PTPN14: variants seen among roughly 807,000 people sequenced by gnomAD.
PTPN14 encodes the protein tyrosine-protein phosphatase non-receptor type 14.
PTPN14 carries 53 observed loss-of-function variants against 126.8 expected under a neutral mutation model. The observed-to-expected ratio is 0.42, with a 90% CI of 0.34 to 0.53. PTPN14 has a LOEUF of 0.53. Among genes scored for constraint, PTPN14 ranks in the 20% least tolerant of loss-of-function variants. The probability of loss-of-function intolerance (pLI) is 0.08; values close to 1 mark genes in which losing one functional copy is unlikely to be tolerated. For missense variants in PTPN14, 1,257 were observed against 1,552.9 expected, an observed-to-expected ratio of 0.81 and a Z score of 3.20; for synonymous variants, 630 against 599.3, an observed-to-expected ratio of 1.05 and a Z score of -0.75.
intron 1 of PTPN14, among the ~76,000 whole-genome samples, chr1:214,469,262 T>A (rs541970376): frequency 6.6e-6 from 1 of 152,236 alleles, no homozygotes; most frequent in African/African-American, 2.4e-5. Flanking sequence ...AAAAAAGCCA[T>A]TGCACATATG....
Position 214,402,437 on chromosome 1 carries a change from C to CAAAAAAAAAAAAAAAAAAAAAAAAA in PTPN14, c.581+445_581+446insTTTTTTTTTTTTTTTTTTTTTTTTT, listed in dbSNP as rs1165595746. Among the ~76,000 whole-genome samples, 12 of 48,142 alleles carry CAAAAAAAAAAAAAAAAAAAAAAAAA rather than the reference C, an allele frequency of 2.5e-4. 2 individuals are homozygous for CAAAAAAAAAAAAAAAAAAAAAAAAA. The highest frequency in any genetic ancestry group is 2.9e-4 in the African/African-American group (3 of 10,392). The allele number at this position is 48,142 out of a possible 152,430, so 31.6% of individuals were successfully genotyped here. On this transcript the variant is annotated intron_variant, in intron 6 of 18. Coordinates refer to ENST00000366956, the MANE Select transcript of PTPN14 (RefSeq NM_005401.5). ...CCTGGGTGACAGAGCGAGACTCTGT[C>CAAAAAAAAAAAAAAAAAAAAAAAAA]AAAAAAAAAAAAAAAAAAAAAAGCC...
chr1:214,477,373 AC>A (rs1425065701), intron 1 of PTPN14, among the ~76,000 whole-genome samples: 1 of 152,194 alleles, frequency 6.6e-6, no homozygotes, highest in Non-Finnish European at 1.5e-5. Context: ...ACGTACATGC[AC>A]CACAAACCCA....
chr1:214,384,804 C>G lies in PTPN14; in HGVS notation c.1067-16G>C. On this transcript the variant is annotated splice_polypyrimidine_tract_variant and intron_variant, in intron 12 of 18. Coordinates refer to ENST00000366956, the MANE Select transcript of PTPN14 (RefSeq NM_005401.5). The surrounding 1 kb of genome is among the most constrained non-coding windows in gnomAD (Gnocchi z 5.3). ...AAAATGCTGTCTACAAGAAGTCAAACAAAGGCACGTGAACCTCCAAGCCAT... is the reference window on the plus strand; with the variant it reads ...AAAATGCTGTCTACAAGAAGTCAAAGAAAGGCACGTGAACCTCCAAGCCAT... 1 of 1,596,710 alleles carries G rather than the reference C, an allele frequency of 6.3e-7. No homozygotes were observed. Among genetic ancestry groups the G allele is most frequent in the Non-Finnish European group, 8.5e-7 (1 of 1,170,622 alleles).
At chr1:214,405,413 C>T (rs764408865) in intron 5 of PTPN14, among the ~76,000 whole-genome samples, 2 of 152,074 alleles carry the variant, frequency 1.3e-5, no homozygotes, top group Non-Finnish European at 2.9e-5. Flanking sequence ...ACTTAAGGGG[C>T]CTATCATAGG....
At chr1:214,458,841 C>T (rs1365699671) in intron 2 of PTPN14, among the ~76,000 whole-genome samples, 1 of 152,152 alleles carries the variant, frequency 6.6e-6, no homozygotes, top group African/African-American at 2.4e-5. Flanking sequence ...CCTATCTCCT[C>T]TGTAAAAGGC....
At chr1:214,478,272 T>G (rs931094400) in intron 1 of PTPN14, among the ~76,000 whole-genome samples, 1 of 152,240 alleles carries the variant, frequency 6.6e-6, no homozygotes, top group Non-Finnish European at 1.5e-5. Context: ...ATATCTACAT[T>G]ATTTAGGCTA....
At position 214,357,218 on chromosome 1, in the gene PTPN14, C is replaced by T. The variant is rs1297459709; in HGVS notation, c.*704G>A. ...AAAGCACAACACAGAGCTTGTCTTT[C>T]GGCCCCAAAGATGGCAATTACTGCA... On this transcript the variant is annotated 3_prime_UTR_variant, in exon 19 of 19. Coordinates refer to ENST00000366956, the MANE Select transcript of PTPN14 (RefSeq NM_005401.5). The T allele has an allele frequency of 1.3e-5, 2 of 151,466 alleles. No individual in the cohort carries two copies. The highest frequency in any genetic ancestry group is 2.0e-4 in the East Asian group (1 of 5,116). 9.4% of individuals were successfully genotyped at this position (151,466 alleles called of 1,614,324 possible).
chr1:214,423,464 T>A lies in PTPN14; in HGVS notation c.345-8738A>T, dbSNP rs74926711. Among the ~76,000 whole-genome samples the A allele has an allele frequency of 6.6e-3, 1,001 of 152,310 alleles. 10 individuals carry two copies. Among genetic ancestry groups the A allele is most frequent in the African/African-American group, 0.023 (961 of 41,560 alleles). Reference sequence around the variant, plus strand: ...TCTACATTCCTTACTCCAGCATCTCTGTCACTGTAACCATGAGCCCACTTT... The same window carrying A: ...TCTACATTCCTTACTCCAGCATCTCAGTCACTGTAACCATGAGCCCACTTT... On this transcript the variant is annotated intron_variant, in intron 3 of 18. Coordinates refer to ENST00000366956, the MANE Select transcript of PTPN14 (RefSeq NM_005401.5).
intron 1 of PTPN14, among the ~76,000 whole-genome samples, chr1:214,478,744 C>T (rs1302173234): frequency 6.6e-6 from 1 of 152,050 alleles, no homozygotes; most frequent in Non-Finnish European, 1.5e-5. Flanking sequence ...CATTTATCTT[C>T]ACACGTCCAA....
At chr1:214,460,469 C>T (rs1002446373) in intron 2 of PTPN14, among the ~76,000 whole-genome samples, 6 of 146,644 alleles carry the variant, frequency 4.1e-5, no homozygotes, top group African/African-American at 1.3e-4. Flanking sequence ...GAAAATTCCC[C>T]TCCACACACA....
At chr1:214,496,605 AC>A (rs1236175288) in intron 1 of PTPN14, among the ~76,000 whole-genome samples, 3 of 152,184 alleles carry the variant, frequency 2.0e-5, no homozygotes, top group Admixed American at 6.5e-5. Context: ...ATTTGATGAT[AC>A]CTGTATATTC....
Position 214,349,999 on chromosome 1 carries a change from G to C in PTPN14, c.*7923C>G, listed in dbSNP as rs1452652829. ...AGCATTCTTGAGATTTTAGCAAAAG[G>C]CTCCGCCCCAAGCCACAAAAAGATC... On this transcript the variant is annotated 3_prime_UTR_variant, in exon 19 of 19. Coordinates refer to ENST00000366956, the MANE Select transcript of PTPN14 (RefSeq NM_005401.5). The C allele has an allele frequency of 6.6e-6, 1 of 152,098 alleles. No individual in the cohort carries two copies. The highest frequency in any genetic ancestry group is 1.5e-5 in the Non-Finnish European group (1 of 68,020). The allele number at this position is 152,098 out of a possible 1,614,324, so 9.4% of individuals were successfully genotyped here. A position where few individuals can be genotyped will look rare whatever the true frequency, so the allele number is the denominator to read the frequency against.
intron 5 of PTPN14, among the ~76,000 whole-genome samples, chr1:214,410,297 T>TA (rs200849346): frequency 0.017 from 2,533 of 148,520 alleles, 72 homozygotes; most frequent in African/African-American, 0.06. Flanking sequence ...GTCTTTTTTT[T>TA]TTCTTTTTTT....
chr1:214,444,927 A>G (rs1405494681), intron 3 of PTPN14, among the ~76,000 whole-genome samples: 2 of 152,204 alleles, frequency 1.3e-5, no homozygotes, highest in African/African-American at 4.8e-5. Context: ...GCTGAAATGC[A>G]CTTACCCTCT....
At position 214,384,235 on chromosome 1, in the gene PTPN14, T is replaced by C. The variant is rs1402118698; in HGVS notation, c.1620A>G (p.Pro540=). The change falls in exon 13 of 19, where the codon CCA becomes CCG. Residue 540 remains proline, a synonymous_variant. Coordinates refer to ENST00000366956, the MANE Select transcript of PTPN14 (RefSeq NM_005401.5). The surrounding 1 kb of genome is among the most constrained non-coding windows in gnomAD (Gnocchi z 5.3). The part of the protein sequence containing the change: ...ASAISHTVST[P]ELANMQLQGS... ...CCTGCAGCTGCATGTTGGCCAGCTC[T>C]GGGGTGCTCACCGTGTGCGAGATGG... 3 of 1,613,854 alleles carry C rather than the reference T, an allele frequency of 1.9e-6. No individual in the cohort carries two copies. Among genetic ancestry groups the C allele is most frequent in the South Asian group, 1.1e-5 (1 of 91,078 alleles).
At chr1:214,433,877 C>G (rs1262772471) in intron 3 of PTPN14, among the ~76,000 whole-genome samples, 2 of 148,732 alleles carry the variant, frequency 1.3e-5, no homozygotes, top group African/African-American at 5.0e-5. Context: ...CTGCTTGAGC[C>G]GAGGGGTTCT....
At chr1:214,402,813 G>A in intron 6 of PTPN14, 70 bp downstream of exon 6, 2 of 1,527,848 alleles carry the variant, frequency 1.3e-6, no homozygotes, top group Non-Finnish European at 1.8e-6. Context: ...ATAGGGAGAT[G>A]GATGCCTCCT....
chr1:214,522,184 C>G (rs1192109824), intron 1 of PTPN14, among the ~76,000 whole-genome samples: 4 of 152,074 alleles, frequency 2.6e-5, no homozygotes, highest in Non-Finnish European at 4.4e-5. Context: ...ATCTGTCCCC[C>G]TCAGCCTCCC....
intron 2 of PTPN14, among the ~76,000 whole-genome samples, chr1:214,464,344 G>T (rs1161605081): frequency 6.6e-6 from 1 of 151,920 alleles, no homozygotes; most frequent in Non-Finnish European, 1.5e-5. Context: ...GACTTTGGTG[G>T]GGAGAGTCTC....
Sources: gnomAD v4.1 joint callset for allele counts (sites outside exome capture counted in the v4.1 genomes callset) on GRCh38, gnomAD v4.1.1 for gene constraint, Gnocchi (gnomAD v3.1) non-coding constraint, MANE v1.5 for transcripts, NCBI Gene and HGNC (gene_info 2026-07-23, HGNC 2026-07-21) for gene names.